HDAC4: variants seen among roughly 807,000 people sequenced by gnomAD.
HDAC4 encodes the protein histone deacetylase A.
A neutral mutation model predicts 135.1 loss-of-function variants in HDAC4; 16 were observed. The ratio of observed to expected loss-of-function variants is 0.12; its 90% CI spans 0.08 to 0.18. HDAC4 has a LOEUF of 0.18. Among genes scored for constraint, HDAC4 ranks in the 10% least tolerant of loss-of-function variants. The pLI, the probability that HDAC4 is intolerant of heterozygous loss-of-function variation, is 1.00. For synonymous variants in HDAC4, 685 were observed against 653.4 expected, an observed-to-expected ratio of 1.05 and a Z score of -0.74; for missense variants, 1,143 against 1,511.8, an observed-to-expected ratio of 0.76 and a Z score of 4.05.
intron 22 of HDAC4, among the ~76,000 whole-genome samples, chr2:239,077,167 T>A (rs576685864): frequency 6.6e-6 from 1 of 152,342 alleles, no homozygotes; most frequent in Non-Finnish European, 1.5e-5. Flanking sequence ...CCGTGATGCT[T>A]CTTCATTCCA....
intron 17 of HDAC4, chr2:239,094,720 G>A: frequency 7.9e-7 from 1 of 1,273,746 alleles, no homozygotes; most frequent in Non-Finnish European, 1.0e-6. Flanking sequence ...GACTTCGAAG[G>A]GGATGAGATG....
chr2:239,084,142 C>T lies in HDAC4; in HGVS notation c.2532+13G>A, dbSNP rs376858539. The stretch of plus-strand genomic sequence containing the variant: ...GCAACCTGAGCTGCGCTGGCCAAGG[C>T]GGCTCTGCTTACCCAGTCCACGATG... On this transcript the variant is annotated intron_variant, in intron 20 of 26. Transcript: ENST00000543185. 268 of 1,604,082 alleles carry T rather than the reference C, an allele frequency of 1.7e-4. No individual in the cohort carries two copies. The highest frequency in any genetic ancestry group is 2.5e-4 in the Admixed American group (15 of 59,756).
chr2:239,318,176 T>A (rs2125744355), intron 2 of HDAC4, among the ~76,000 whole-genome samples: 1 of 152,266 alleles, frequency 6.6e-6, no homozygotes. Context: ...AGATACCTGC[T>A]AATTATGCAG....
At chr2:239,217,317 G>A (rs901734018) in intron 3 of HDAC4, among the ~76,000 whole-genome samples, 3 of 152,150 alleles carry the variant, frequency 2.0e-5, no homozygotes, top group African/African-American at 7.2e-5. Context: ...CCAAAACCTA[G>A]TGGTTAACCT....
rs552553312 is a variant in HDAC4, at chr2:239,349,555, G to C, written c.22+3123C>G. Among the ~76,000 whole-genome samples the C allele has an allele frequency of 3.3e-5, 5 of 152,236 alleles. No homozygotes were observed. Among genetic ancestry groups the C allele is most frequent in the Non-Finnish European group, 7.3e-5 (5 of 68,042 alleles). Reference sequence around the variant, plus strand: ...GAGATCTCTGGGGATGGAGCTGCTTGGGAAGGCACACAAGCGAGTGGGCCT... The same window carrying C: ...GAGATCTCTGGGGATGGAGCTGCTTCGGAAGGCACACAAGCGAGTGGGCCT... On this transcript the variant is annotated intron_variant, in intron 2 of 26. Transcript: ENST00000543185. This position sits in a 1 kb window ranked among gnomAD's most constrained non-coding sequence, Gnocchi z 5.7.
intron 2 of HDAC4, among the ~76,000 whole-genome samples, chr2:239,327,900 C>T (rs547854286): frequency 6.8e-6 from 1 of 146,580 alleles, no homozygotes; most frequent in Admixed American, 6.6e-5. Flanking sequence ...GGACAGTCTT[C>T]CTTCCCATGC....
chr2:239,376,629 T>C (rs984740950), intron 1 of HDAC4, among the ~76,000 whole-genome samples: 2 of 152,230 alleles, frequency 1.3e-5, no homozygotes, highest in Non-Finnish European at 2.9e-5. Flanking sequence ...GGGGAGGTGA[T>C]GAACGCCATC....
intron 1 of HDAC4, among the ~76,000 whole-genome samples, chr2:239,394,915 A>G (rs779273641): frequency 6.6e-6 from 1 of 152,278 alleles, no homozygotes; most frequent in Non-Finnish European, 1.5e-5. Context: ...CCCAGCTAGT[A>G]GAAAAGGTGG....
intron 1 of HDAC4, among the ~76,000 whole-genome samples, chr2:239,359,237 T>C (rs951352909): frequency 6.6e-6 from 1 of 152,218 alleles, no homozygotes; most frequent in Non-Finnish European, 1.5e-5. Context: ...GCCAACACCC[T>C]GGCATTCACG....
In HDAC4 at chr2:239,163,833, C is replaced by T; in HGVS notation, c.581G>A (p.Cys194Tyr). 1 of 1,614,194 alleles carries T rather than the reference C, an allele frequency of 6.2e-7. No homozygotes were observed. The highest frequency in any genetic ancestry group is 8.5e-7 in the Non-Finnish European group (1 of 1,180,036). Residue 194 changes from cysteine (C) to tyrosine (Y), a missense_variant, in exon 6 of 27, where the codon TGC (cysteine) becomes TAC (tyrosine). By Grantham distance (194) the Cys-to-Tyr change is radical. This residue lies in a region of HDAC4 where 247 missense variants were observed against 310.0 expected (regional missense o/e 0.80). Coordinates refer to ENST00000543185, the MANE Select transcript of HDAC4 (RefSeq NM_001378414.1). ...KALAHRNLNH[C>Y]ISSDPRYWYG... Reference sequence around the variant, plus strand: ...CCAGTAGCGAGGGTCGCTGGAAATGCAGTGGTTCAGATTCCGGTGGGCCAG... The same window carrying T: ...CCAGTAGCGAGGGTCGCTGGAAATGTAGTGGTTCAGATTCCGGTGGGCCAG...
At chr2:239,066,893 G>C in intron 23 of HDAC4, 38 bp from the exon 24 acceptor site, 1 of 1,600,978 alleles carries the variant, frequency 6.2e-7, no homozygotes, top group Non-Finnish European at 8.5e-7. Context: ...GTGAACGGGG[G>C]AGGACCGCAG....
chr2:239,375,790 C>T (rs1431129985), intron 1 of HDAC4, among the ~76,000 whole-genome samples: 1 of 152,172 alleles, frequency 6.6e-6, no homozygotes, highest in East Asian at 1.9e-4. Context: ...CCCAGGGGGC[C>T]TGGGGAGTCT....
At chr2:239,275,959 C>T (rs1012019330) in intron 2 of HDAC4, among the ~76,000 whole-genome samples, 5 of 152,070 alleles carry the variant, frequency 3.3e-5, no homozygotes, top group South Asian at 2.1e-4. Context: ...AAAGGATGGG[C>T]GGGAAGGCAC....
At chr2:239,109,854 C>G (rs1404642577) in intron 14 of HDAC4, among the ~76,000 whole-genome samples, 1 of 152,182 alleles carries the variant, frequency 6.6e-6, no homozygotes, top group South Asian at 2.1e-4. Flanking sequence ...GATAAGGTCA[C>G]GTGCGCTAAT....
chr2:239,213,199 A>C (rs368350322), intron 3 of HDAC4, among the ~76,000 whole-genome samples: 89 of 144,094 alleles, frequency 6.2e-4, no homozygotes, highest in African/African-American at 2.3e-3. Flanking sequence ...AGCACAGCTC[A>C]TCAGTCCCAT....
chr2:239,288,081 C>T (rs1465048915), intron 2 of HDAC4, among the ~76,000 whole-genome samples: 1 of 144,516 alleles, frequency 6.9e-6, no homozygotes, highest in Non-Finnish European at 1.5e-5. Context: ...AAAAAAAAGA[C>T]CTTAAAAAAG....
chr2:239,351,193 T>C (rs1693128887), intron 2 of HDAC4, among the ~76,000 whole-genome samples: 1 of 152,244 alleles, frequency 6.6e-6, no homozygotes, highest in African/African-American at 2.4e-5. Context: ...CTAGTAGTGA[T>C]ACTTAGAAGT....
At chr2:239,168,915 G>A (rs1015138875) in intron 5 of HDAC4, among the ~76,000 whole-genome samples, 5 of 152,214 alleles carry the variant, frequency 3.3e-5, no homozygotes, top group South Asian at 2.1e-4. Context: ...CGCCTGTGAC[G>A]GGGCTAGAGG....
chr2:239,249,633 T>C (rs2048667080), intron 2 of HDAC4, among the ~76,000 whole-genome samples: 1 of 152,160 alleles, frequency 6.6e-6, no homozygotes, highest in African/African-American at 2.4e-5. Flanking sequence ...GGTTCAAAAT[T>C]CAAGTTCTCC....
Sources: gnomAD v4.1 joint callset for allele counts (sites outside exome capture counted in the v4.1 genomes callset) on GRCh38, gnomAD v4.1.1 for gene constraint, gnomAD v4.1.1 regional missense constraint, Gnocchi (gnomAD v3.1) non-coding constraint, MANE v1.5 for transcripts, NCBI Gene and HGNC (gene_info 2026-07-23, HGNC 2026-07-21) for gene names.